XXYLT1: variants seen among roughly 807,000 people sequenced by gnomAD.
XXYLT1 encodes the protein xyloside xylosyltransferase 1.
XXYLT1 carries 20 observed loss-of-function variants against 28.9 expected under a neutral mutation model. The ratio of observed to expected loss-of-function variants is 0.69; its 90% CI spans 0.49 to 1.00. XXYLT1 has a LOEUF of 1.00. Ranked by LOEUF, XXYLT1 falls within the 50% of genes least tolerant of loss-of-function variation. The pLI is 0.00. For synonymous variants in XXYLT1, 257 were observed against 253.8 expected (o/e 1.01, Z -0.12); for missense variants, 542 against 560.1 (o/e 0.97, Z 0.33).
At chr3:195,203,997 C>T (rs1458665411) in intron 2 of XXYLT1, among the ~76,000 whole-genome samples, 1 of 152,188 alleles carries the variant, frequency 6.6e-6, no homozygotes, top group African/African-American at 2.4e-5. Flanking sequence ...TTTTAAAAAG[C>T]CTCAGGTTTT....
At chr3:195,183,973 C>T (rs770868903) in intron 2 of XXYLT1, among the ~76,000 whole-genome samples, 54 of 152,214 alleles carry the variant, frequency 3.5e-4, no homozygotes, top group Non-Finnish European at 6.3e-4. Flanking sequence ...AGAACACTGC[C>T]TTAAATTCTG....
chr3:195,243,555 G>A (rs1175609200), intron 1 of XXYLT1, among the ~76,000 whole-genome samples: 1 of 152,184 alleles, frequency 6.6e-6, no homozygotes, highest in Non-Finnish European at 1.5e-5. Context: ...TTTTCCTGGA[G>A]TGACAGACAG....
At chr3:195,249,416 C>T (rs1052549290) in intron 1 of XXYLT1, among the ~76,000 whole-genome samples, 4 of 152,220 alleles carry the variant, frequency 2.6e-5, no homozygotes, top group South Asian at 4.1e-4. Flanking sequence ...TCACACCAGG[C>T]GCATGGCACG....
rs1725474653 is a variant in XXYLT1 at position 195,256,280 on chromosome 3, G to A, written c.504+14275C>T. Among the ~76,000 whole-genome samples the A allele has an allele frequency of 6.6e-6, 1 of 152,188 alleles. No homozygotes were observed. ...GGCTGCTCCAAGGTTAAATGAGGGA[G>A]GAAAAGCAGGATCCAGCATGGTGCC... On this transcript the variant is annotated intron_variant, in intron 1 of 3. Coordinates refer to ENST00000310380, the MANE Select transcript of XXYLT1 (RefSeq NM_152531.5). This position sits in a 1 kb window ranked among gnomAD's most constrained non-coding sequence, Gnocchi z 4.2.
intron 1 of XXYLT1, among the ~76,000 whole-genome samples, chr3:195,228,316 A>G (rs1724144258): frequency 6.6e-6 from 1 of 151,842 alleles, no homozygotes; most frequent in Non-Finnish European, 1.5e-5. Flanking sequence ...AAGCTCTCCA[A>G]TAGGCGGGCT....
intron 3 of XXYLT1, among the ~76,000 whole-genome samples, chr3:195,154,288 G>A (rs536068809): frequency 2.6e-4 from 40 of 152,302 alleles, no homozygotes; most frequent in African/African-American, 7.0e-4. Flanking sequence ...TAAGATTTCA[G>A]GAGTTGGGCA....
chr3:195,237,565 T>C (rs1560168233), intron 1 of XXYLT1, among the ~76,000 whole-genome samples: 1 of 151,802 alleles, frequency 6.6e-6, no homozygotes, highest in African/African-American at 2.4e-5. Context: ...TTGGTGTAGA[T>C]CGTTGTCAAA....
At chr3:195,090,601 A>C (rs1159098075) in intron 3 of XXYLT1, among the ~76,000 whole-genome samples, 1 of 150,898 alleles carries the variant, frequency 6.6e-6, no homozygotes, top group African/African-American at 2.5e-5. Flanking sequence ...ACACCCTAAC[A>C]TCACAATTAA....
intron 3 of XXYLT1, among the ~76,000 whole-genome samples, chr3:195,110,859 G>GTGTGTGTGGTGTA (rs1553804047): frequency 0.15 from 14,433 of 99,204 alleles, 1,090 homozygotes; most frequent in East Asian, 0.24. Context: ...TGTTGTATAA[G>GTGTGTGTGGTGTA]TGTGTGTGTG....
At chr3:195,148,896 T>C (rs1720025888) in intron 3 of XXYLT1, among the ~76,000 whole-genome samples, 1 of 152,190 alleles carries the variant, frequency 6.6e-6, no homozygotes, top group Non-Finnish European at 1.5e-5. Context: ...CGAAATGCTG[T>C]GACGACTGAG....
intron 2 of XXYLT1, among the ~76,000 whole-genome samples, chr3:195,213,934 A>G (rs1216648353): frequency 6.6e-6 from 1 of 152,214 alleles, no homozygotes; most frequent in African/African-American, 2.4e-5. Context: ...CGAGGGGTTT[A>G]GGCAATACCA....
At chr3:195,185,250 G>A (rs1207381010) in intron 2 of XXYLT1, among the ~76,000 whole-genome samples, 4 of 152,138 alleles carry the variant, frequency 2.6e-5, no homozygotes, top group Non-Finnish European at 4.4e-5. Context: ...TAGGGGTTTT[G>A]GAATGCTCAG....
chr3:195,087,579 G>A (rs936923189), intron 3 of XXYLT1, among the ~76,000 whole-genome samples: 3 of 152,226 alleles, frequency 2.0e-5, no homozygotes, highest in Admixed American at 6.5e-5. Flanking sequence ...TGGGGCCTGG[G>A]CTTACCCAGA....
intron 1 of XXYLT1, among the ~76,000 whole-genome samples, chr3:195,265,285 G>T (rs566554291): frequency 1.3e-5 from 2 of 151,378 alleles, no homozygotes; most frequent in African/African-American, 4.9e-5. Context: ...CAGGAGAATC[G>T]CTTGAAAGGA....
intron 1 of XXYLT1, among the ~76,000 whole-genome samples, chr3:195,248,997 T>C (rs1725146464): frequency 1.3e-5 from 2 of 152,142 alleles, no homozygotes; most frequent in African/African-American, 2.4e-5. Context: ...AATGGACTAA[T>C]ACAGGAGCCA....
chr3:195,221,781 C>T (rs1358494192), intron 2 of XXYLT1, among the ~76,000 whole-genome samples: 8 of 151,970 alleles, frequency 5.3e-5, no homozygotes, highest in Admixed American at 5.2e-4. Flanking sequence ...CTTCCAGTGG[C>T]GACAAACCCA....
In XXYLT1 at chr3:195,256,162, G is replaced by A. The variant is rs115622591; in HGVS notation, c.504+14393C>T. Among the ~76,000 whole-genome samples the A allele has an allele frequency of 5.1e-3, 781 of 152,306 alleles. 11 individuals carry two copies. The highest frequency in any genetic ancestry group is 0.018 in the African/African-American group (733 of 41,566). ...ATCAACAGGCATCGGGCAGAGTGCT[G>A]AAGAATCAGCAAGCCGGACTCCAAT... On this transcript the variant is annotated intron_variant, in intron 1 of 3. Transcript: ENST00000310380. This position sits in a 1 kb window ranked among gnomAD's most constrained non-coding sequence, Gnocchi z 4.2.
At chr3:195,175,321 G>A (rs1260403519) in intron 2 of XXYLT1, among the ~76,000 whole-genome samples, 1 of 152,256 alleles carries the variant, frequency 6.6e-6, no homozygotes, top group East Asian at 1.9e-4. Flanking sequence ...CTGAGCACCA[G>A]CCCGGCGGAC....
chr3:195,204,451 C>T (rs76262244), intron 2 of XXYLT1, among the ~76,000 whole-genome samples: 169 of 151,538 alleles, frequency 1.1e-3, no homozygotes, highest in East Asian at 6.2e-3. Flanking sequence ...GACACACACA[C>T]GCACACACAC....
Sources: allele counts gnomAD v4.1 joint callset (sites outside exome capture counted in the v4.1 genomes callset), GRCh38; gene constraint gnomAD v4.1.1; non-coding constraint Gnocchi (gnomAD v3.1); transcripts MANE v1.5; gene names NCBI Gene and HGNC (gene_info 2026-07-23, HGNC 2026-07-21).